The following LARS2 variants were observed in gnomAD, a reference collection of about 807,000 sequenced individuals.
LARS2 encodes the protein leucine--tRNA ligase, mitochondrial.
In LARS2, 81 loss-of-function variants were observed where a neutral mutation model predicts 116.6. The ratio of observed to expected loss-of-function variants is 0.69; its 90% CI spans 0.58 to 0.84. The LOEUF (loss-of-function observed/expected upper bound fraction) is 0.84, where lower values mean the gene tolerates loss of function less well. LARS2 is among the 40% of genes least tolerant of loss of function. The pLI, the probability that LARS2 is intolerant of heterozygous loss-of-function variation, is 0.00. For synonymous variants in LARS2, 396 were observed against 407.2 expected (o/e 0.97, Z 0.33); for missense variants, 968 against 1,114.5 (o/e 0.87, Z 1.87).
chr3:45,532,144 T>C (rs9849019), intron 20 of LARS2, among the ~76,000 whole-genome samples: 3,058 of 152,322 alleles, frequency 0.02, 88 homozygotes, highest in African/African-American at 0.066. Flanking sequence ...TGTTAAAGAA[T>C]GCTGGCTACA....
At chr3:45,421,983 C>T (rs918921719) in intron 6 of LARS2, 4 of 152,184 alleles carry the variant, frequency 2.6e-5, no homozygotes, top group African/African-American at 9.7e-5. Flanking sequence ...GAATGCATAT[C>T]TCTTTCACAT....
intron 20 of LARS2, among the ~76,000 whole-genome samples, chr3:45,534,094 G>A (rs1269829434): frequency 1.3e-5 from 2 of 152,182 alleles, no homozygotes; most frequent in African/African-American, 4.8e-5. Flanking sequence ...CCTCCCTGAA[G>A]TTTTACAGAT....
chr3:45,488,917 A>T (rs747491551), intron 12 of LARS2, 105 bp downstream of exon 12: 43 of 774,364 alleles, frequency 5.6e-5, no homozygotes, highest in Non-Finnish European at 6.9e-5. Flanking sequence ...TCGTCCCCAT[A>T]CCTAACAGCC....
chr3:45,499,799 A>G (rs549397417), intron 14 of LARS2, among the ~76,000 whole-genome samples: 18 of 152,292 alleles, frequency 1.2e-4, no homozygotes, highest in African/African-American at 4.1e-4. Context: ...TTCAAGGTGC[A>G]TTGTAGCAAG....
At chr3:45,505,120 A>AGT (rs778841144) in intron 15 of LARS2, among the ~76,000 whole-genome samples, 5 of 151,828 alleles carry the variant, frequency 3.3e-5, no homozygotes, top group Admixed American at 6.6e-5. Flanking sequence ...AAAGAAATTG[A>AGT]GTTTAATCCC....
intron 20 of LARS2, among the ~76,000 whole-genome samples, chr3:45,541,426 A>G (rs558674845): frequency 1.3e-5 from 2 of 152,326 alleles, no homozygotes; most frequent in East Asian, 1.9e-4. Flanking sequence ...GTTGGGAGGC[A>G]TTCTCAGACC....
chr3:45,522,358 A>C (rs1299513047), intron 19 of LARS2, among the ~76,000 whole-genome samples: 1 of 152,202 alleles, frequency 6.6e-6, no homozygotes, highest in African/African-American at 2.4e-5. Context: ...TAAGAAAGGA[A>C]TGTGCCACCA....
chr3:45,536,352 C>T (rs1359472175), intron 20 of LARS2, among the ~76,000 whole-genome samples: 1 of 152,170 alleles, frequency 6.6e-6, no homozygotes. Context: ...TAAGTGATAC[C>T]TCCACCTCAG....
intron 4 of LARS2, among the ~76,000 whole-genome samples, chr3:45,403,166 CTAAAGA>C (rs911349076): frequency 7.3e-5 from 11 of 150,368 alleles, no homozygotes; most frequent in African/African-American, 9.8e-5. Flanking sequence ...GGCTCTTTGC[CTAAAGA>C]TAAAGATAAA....
intron 14 of LARS2, among the ~76,000 whole-genome samples, chr3:45,499,928 T>C (rs938982539): frequency 1.3e-5 from 2 of 152,170 alleles, no homozygotes; most frequent in Non-Finnish European, 1.5e-5. Context: ...AATTAACACT[T>C]ACCTGACTTT....
intron 8 of LARS2, among the ~76,000 whole-genome samples, chr3:45,459,611 A>G (rs891310698): frequency 6.6e-6 from 1 of 152,226 alleles, no homozygotes; most frequent in African/African-American, 2.4e-5. Flanking sequence ...TTGCTTATTA[A>G]GTCACCAAGA....
Position 45,500,464 on chromosome 3 carries a change from G to A in LARS2, c.1645G>A (p.Asp549Asn), listed in dbSNP as rs367957046. Residue 549 changes from aspartate (D) to asparagine (N), a missense_variant, in exon 15 of 22, where the codon GAT (aspartate) becomes AAT (asparagine). Physicochemically the swap from Asp to Asn is conservative, Grantham distance 23. Transcript: ENST00000645846. ...CAGCCCTTTTAACACAGCAGTGGCCGATTACTGGATGCCTGTGGATTTGTA... is the reference window on the plus strand; with the variant it reads ...CAGCCCTTTTAACACAGCAGTGGCCAATTACTGGATGCCTGTGGATTTGTA... ...PHSPFNTAVA[D>N]YWMPVDLYIG... 92 of 1,605,404 alleles carry A rather than the reference G, an allele frequency of 5.7e-5. No individual in the cohort carries two copies. The highest frequency in any genetic ancestry group is 2.4e-4 in the South Asian group (21 of 88,658).
At chr3:45,466,455 C>G (rs528032065) in intron 8 of LARS2, among the ~76,000 whole-genome samples, 43 of 152,274 alleles carry the variant, frequency 2.8e-4, no homozygotes, top group African/African-American at 1.0e-3. Flanking sequence ...CTCATGCCTG[C>G]ATTTACTGCT....
chr3:45,455,272 C>CACGCCTGTAATCCCAGCACTTTGGGAGG (rs1236416074), intron 7 of LARS2, among the ~76,000 whole-genome samples: 7 of 152,164 alleles, frequency 4.6e-5, no homozygotes, highest in Admixed American at 2.0e-4. Flanking sequence ...AAAATACAGT[C>CACGCCTGTAATCCCAGCACTTTGGGAGG]CTATTTGTTC....
Position 45,491,671 on chromosome 3 carries a change from C to T in LARS2, c.1394C>T (p.Pro465Leu), listed in dbSNP as rs1160749764. Residue 465 changes from proline (P) to leucine (L), a missense_variant, in exon 13 of 22, where the codon CCA (proline) becomes CTA (leucine). Coordinates refer to ENST00000645846, the MANE Select transcript of LARS2 (RefSeq NM_015340.4). ...WGTPIPIVHC[P>L]VCGPTPVPLE... The stretch of plus-strand genomic sequence containing the variant: ...ACACCAATCCCCATTGTCCACTGCC[C>T]AGTCTGTGGCCCCACACCTGTGCCC... The T allele has an allele frequency of 6.2e-7, 1 of 1,614,214 alleles. No homozygotes were observed. Among genetic ancestry groups the T allele is most frequent in the South Asian group, 1.1e-5 (1 of 91,082 alleles).
At chr3:45,529,416 G>A (rs1477326109) in intron 20 of LARS2, among the ~76,000 whole-genome samples, 1 of 151,958 alleles carries the variant, frequency 6.6e-6, no homozygotes, top group East Asian at 1.9e-4. Context: ...GGGCGTGGTG[G>A]CGCATGCCTG....
chr3:45,440,034 C>T (rs1201348662), intron 6 of LARS2, among the ~76,000 whole-genome samples: 3 of 152,122 alleles, frequency 2.0e-5, no homozygotes, highest in Non-Finnish European at 1.5e-5. Context: ...AGAACCAGTG[C>T]TTAGTGTAGA....
intron 7 of LARS2, among the ~76,000 whole-genome samples, chr3:45,453,949 T>C (rs561649652): frequency 6.6e-6 from 1 of 151,496 alleles, no homozygotes; most frequent in African/African-American, 2.4e-5. Flanking sequence ...AGGAGTGATA[T>C]GCTGGCCAAG....
At chr3:45,423,039 C>T (rs1698539765) in intron 6 of LARS2, among the ~76,000 whole-genome samples, 1 of 152,108 alleles carries the variant, frequency 6.6e-6, no homozygotes. Context: ...TTAATGATGT[C>T]TTGCCTTTGG....
Sources: allele counts gnomAD v4.1 joint callset (sites outside exome capture counted in the v4.1 genomes callset), GRCh38; gene constraint gnomAD v4.1.1; transcripts MANE v1.5; gene names NCBI Gene and HGNC (gene_info 2026-07-23, HGNC 2026-07-21).